The following UCHL3 variants were observed in gnomAD, a reference collection of about 807,000 sequenced individuals.
The protein encoded by UCHL3 is ubiquitin C-terminal hydrolase L3.
In UCHL3, 22 loss-of-function variants were observed where a neutral mutation model predicts 35.8. The ratio of observed to expected loss-of-function variants is 0.61; its 90% CI spans 0.44 to 0.88. The LOEUF (loss-of-function observed/expected upper bound fraction) is 0.88. Ranked by LOEUF, UCHL3 falls within the 40% of genes least tolerant of loss-of-function variation. The pLI, the probability that UCHL3 is intolerant of heterozygous loss-of-function variation, is 0.00. For synonymous variants in UCHL3, 90 were observed against 92.8 expected (o/e 0.97, Z 0.17); for missense variants, 229 against 276.9 (o/e 0.83, Z 1.23).
At chr13:75,554,469 C>T (rs191849076) in intron 2 of UCHL3, among the ~76,000 whole-genome samples, 8 of 152,300 alleles carry the variant, frequency 5.3e-5, no homozygotes, top group African/African-American at 1.9e-4. Flanking sequence ...TCTAATTGAT[C>T]TGCAACTCTT....
intron 4 of UCHL3, 109 bp downstream of exon 4, chr13:75,566,960 C>T (rs2031704371): frequency 1.6e-6 from 2 of 1,237,010 alleles, no homozygotes; most frequent in East Asian, 2.4e-5. Flanking sequence ...ATAAAGCATT[C>T]CCTGCTTCCT....
At chr13:75,588,022 ATAAT>A (rs2032374589) in intron 6 of UCHL3, among the ~76,000 whole-genome samples, 1 of 151,876 alleles carries the variant, frequency 6.6e-6, no homozygotes, top group Non-Finnish European at 1.5e-5. Flanking sequence ...GCTATAAGTA[ATAAT>A]TTTTTTTTTT....
chr13:75,602,920 A>G (rs1429938569), intron 7 of UCHL3, among the ~76,000 whole-genome samples: 1 of 152,206 alleles, frequency 6.6e-6, no homozygotes, highest in Non-Finnish European at 1.5e-5. Flanking sequence ...AATTAATTAT[A>G]TGTTACTTTA....
At chr13:75,579,885 A>T (rs1048873090) in intron 6 of UCHL3, among the ~76,000 whole-genome samples, 3 of 152,134 alleles carry the variant, frequency 2.0e-5, no homozygotes, top group African/African-American at 7.2e-5. Flanking sequence ...GCTACTCTCA[A>T]ACTGTAAAGA....
Position 75,605,796 on chromosome 13 carries a change from C to T in UCHL3, c.677C>T (p.Ala226Val). Residue 226 changes from alanine to valine, a missense_variant, in exon 9 of 9, where the codon GCT becomes GTT. Ala to Val is a moderately conservative substitution (Grantham distance 64). Coordinates refer to ENST00000377595, the MANE Select transcript of UCHL3 (RefSeq NM_006002.5). ...GATGAACTAAGATTTAATGCGATTG[C>T]TCTTTCTGCAGCATAGCTTGTCAAT... ...DPDELRFNAI[A>V]LSAA 1 of 1,613,900 alleles carries T rather than the reference C, an allele frequency of 6.2e-7. No individual in the cohort carries two copies.
chr13:75,598,987 A>T (rs774805641), intron 7 of UCHL3, among the ~76,000 whole-genome samples: 2 of 152,168 alleles, frequency 1.3e-5, no homozygotes, highest in Non-Finnish European at 2.9e-5. Context: ...CCATGATATC[A>T]TGTATTTTTA....
At chr13:75,588,726 G>A (rs1237400103) in intron 6 of UCHL3, among the ~76,000 whole-genome samples, 1 of 152,126 alleles carries the variant, frequency 6.6e-6, no homozygotes, top group Non-Finnish European at 1.5e-5. Flanking sequence ...TAAAACTCAT[G>A]TTCCTTAAGA....
intron 6 of UCHL3, chr13:75,590,278 C>T: frequency 8.6e-7 from 1 of 1,160,644 alleles, no homozygotes; most frequent in Non-Finnish European, 1.1e-6. Context: ...AAGCATATCT[C>T]TATGCTTTGC....
intron 2 of UCHL3, among the ~76,000 whole-genome samples, chr13:75,554,159 C>G (rs1042770771): frequency 6.6e-6 from 1 of 152,104 alleles, no homozygotes; most frequent in Non-Finnish European, 1.5e-5. Flanking sequence ...AATTCCTGGG[C>G]TCAAGCACTC....
chr13:75,564,799 G>A (rs1485014100), intron 3 of UCHL3, among the ~76,000 whole-genome samples: 2 of 152,126 alleles, frequency 1.3e-5, no homozygotes, highest in African/African-American at 2.4e-5. Context: ...GGGTTCAAGC[G>A]ATTCTCATGG....
At chr13:75,584,248 A>G (rs117707698) in intron 6 of UCHL3, among the ~76,000 whole-genome samples, 1 of 152,138 alleles carries the variant, frequency 6.6e-6, no homozygotes, top group Non-Finnish European at 1.5e-5. Flanking sequence ...CCACCATTAG[A>G]CTAGCAAGCA....
At chr13:75,582,248 C>T (rs2032207901) in intron 6 of UCHL3, among the ~76,000 whole-genome samples, 1 of 152,202 alleles carries the variant, frequency 6.6e-6, no homozygotes, top group African/African-American at 2.4e-5. Context: ...GCTTAAAAAT[C>T]TCATGCAACA....
At chr13:75,584,351 G>C (rs1483502708) in intron 6 of UCHL3, among the ~76,000 whole-genome samples, 3 of 152,162 alleles carry the variant, frequency 2.0e-5, no homozygotes, top group African/African-American at 7.2e-5. Context: ...GCCTAAAGCT[G>C]AGAGTGGAAC....
At chr13:75,590,529 A>C (rs2032453859) in intron 6 of UCHL3, among the ~76,000 whole-genome samples, 1 of 152,144 alleles carries the variant, frequency 6.6e-6, no homozygotes, top group South Asian at 2.1e-4. Context: ...TTACTTTATT[A>C]TTATTATTTT....
At chr13:75,603,576 A>G (rs1043580124) in intron 7 of UCHL3, among the ~76,000 whole-genome samples, 5 of 152,156 alleles carry the variant, frequency 3.3e-5, no homozygotes, top group Admixed American at 3.3e-4. Context: ...CCTTTATGTA[A>G]ACATTAAAAA....
intron 6 of UCHL3, among the ~76,000 whole-genome samples, chr13:75,588,615 CT>C (rs753012912): frequency 1.3e-5 from 2 of 152,014 alleles, no homozygotes; most frequent in East Asian, 1.9e-4. Context: ...AAAATGATAG[CT>C]TTTTTTAAAG....
intron 6 of UCHL3, among the ~76,000 whole-genome samples, chr13:75,578,130 G>A (rs954165640): frequency 6.6e-6 from 1 of 151,674 alleles, no homozygotes; most frequent in Non-Finnish European, 1.5e-5. Context: ...GAGATCAAGC[G>A]ATTTTATTTG....
At chr13:75,580,277 T>G (rs1007363421) in intron 6 of UCHL3, among the ~76,000 whole-genome samples, 1 of 152,194 alleles carries the variant, frequency 6.6e-6, no homozygotes, top group African/African-American at 2.4e-5. Flanking sequence ...AATTTCCTTT[T>G]TAAAATTTGA....
Position 75,556,903 on chromosome 13 carries a change from C to T in UCHL3, c.55-3850C>T, listed in dbSNP as rs115581427. On this transcript the variant is annotated intron_variant, in intron 2 of 8. Transcript: ENST00000377595. Reference sequence around the variant, plus strand: ...TCGAAAAAGCACTTAACCTCCCAGACGTAGTTTTCTTATTGGCTGGTAAAA... The same window carrying T: ...TCGAAAAAGCACTTAACCTCCCAGATGTAGTTTTCTTATTGGCTGGTAAAA... Among the ~76,000 whole-genome samples, 918 of 152,264 alleles carry T rather than the reference C, an allele frequency of 6.0e-3. 7 individuals carry two copies. Among genetic ancestry groups the T allele is most frequent in the African/African-American group, 0.02 (822 of 41,556 alleles).
Sources: allele counts gnomAD v4.1 joint callset (sites outside exome capture counted in the v4.1 genomes callset), GRCh38; gene constraint gnomAD v4.1.1; transcripts MANE v1.5; gene names NCBI Gene and HGNC (gene_info 2026-07-23, HGNC 2026-07-21).